Variants in ABCA12 observed in about 807,000 individuals in gnomAD.
The protein encoded by ABCA12 is ATP binding cassette subfamily A member 12, also known as glucosylceramide transporter ABCA12.
In ABCA12, 156 loss-of-function variants were observed where a neutral mutation model predicts 293.5. That is an observed-to-expected ratio of 0.53 (90% CI 0.47 to 0.61). ABCA12 has a LOEUF of 0.61. Ranked by LOEUF, ABCA12 falls within the 20% of genes least tolerant of loss-of-function variation. The pLI, the probability that ABCA12 is intolerant of heterozygous loss-of-function variation, is 0.00. For missense variants in ABCA12, 2,797 were observed against 3,090.2 expected (o/e 0.91, Z 2.25); for synonymous variants, 1,063 against 1,108.0 (o/e 0.96, Z 0.81).
intron 50 of ABCA12, among the ~76,000 whole-genome samples, chr2:214,942,629 G>T (rs1240458356): frequency 6.6e-6 from 1 of 152,016 alleles, no homozygotes; most frequent in Non-Finnish European, 1.5e-5. Context: ...GAGTAATTTG[G>T]TTATGAACTG....
At chr2:214,975,741 A>G in intron 34 of ABCA12, 44 bp downstream of exon 34, 1 of 1,613,016 alleles carries the variant, frequency 6.2e-7, no homozygotes, top group Non-Finnish European at 8.5e-7. Flanking sequence ...ACACTCCTGG[A>G]AGCATTTTGG....
intron 2 of ABCA12, among the ~76,000 whole-genome samples, chr2:215,085,012 C>T (rs1345928372): frequency 2.0e-5 from 3 of 149,136 alleles, no homozygotes; most frequent in Admixed American, 6.8e-5. Flanking sequence ...AAGAGTGGCT[C>T]GACCCCAGGA....
intron 1 of ABCA12, among the ~76,000 whole-genome samples, chr2:215,128,583 C>T (rs1314401713): frequency 6.6e-6 from 1 of 151,978 alleles, no homozygotes; most frequent in Non-Finnish European, 1.5e-5. Flanking sequence ...TTGTTCAATT[C>T]CATTGTTGAG....
Position 215,011,890 on chromosome 2 carries a change from G to A in ABCA12, c.2121+81C>T, listed in dbSNP as rs537158804. The A allele has an allele frequency of 1.8e-5, 23 of 1,303,072 alleles. No individual in the cohort carries two copies. The East Asian group carries it at 4.0e-4, about 23-fold the overall frequency. 80.7% of individuals were successfully genotyped at this position (1,303,072 alleles called of 1,614,324 possible). On this transcript the variant is annotated intron_variant, in intron 16 of 52. Coordinates refer to ENST00000272895, the MANE Select transcript of ABCA12 (RefSeq NM_173076.3). ...GTTTTTTTTTTTTTCAATGTACTAC[G>A]ATTGAAGCTGAATGTATTATAACTA...
At chr2:214,933,194 C>G (rs1015651502) in intron 52 of ABCA12, among the ~76,000 whole-genome samples, 1 of 152,102 alleles carries the variant, frequency 6.6e-6, no homozygotes, top group Non-Finnish European at 1.5e-5. Context: ...ATAGAAAGCC[C>G]ATGTTAACAC....
chr2:215,075,201 T>C (rs1305340974), intron 2 of ABCA12, among the ~76,000 whole-genome samples: 12 of 152,074 alleles, frequency 7.9e-5, no homozygotes, highest in Non-Finnish European at 1.6e-4. Flanking sequence ...GAAAATTGAG[T>C]AATGTTCTCC....
chr2:214,973,955 A>G lies in ABCA12; in HGVS notation c.5556T>C (p.Asn1852=), dbSNP rs760986874. Residue 1852 remains asparagine (N), a synonymous_variant, in exon 36 of 53, where the codon AAT becomes AAC. Coordinates refer to ENST00000272895, the MANE Select transcript of ABCA12 (RefSeq NM_173076.3). ...TNFGVCSCSE[N]VQECPKFNYS... The stretch of plus-strand genomic sequence containing the variant: ...AAACTGAATTCCATCTTACCTGGAC[A>G]TTTTCTGAGCAGGAGCAAACACCAA... 6.2e-7 allele frequency: 1 copy of G among 1,613,684 alleles called. No homozygotes were observed. Among genetic ancestry groups the G allele is most frequent in the Non-Finnish European group, 8.5e-7 (1 of 1,179,718 alleles).
At chr2:215,014,416 C>A (rs1203124047) in intron 15 of ABCA12, among the ~76,000 whole-genome samples, 1 of 151,854 alleles carries the variant, frequency 6.6e-6, no homozygotes, top group Admixed American at 6.6e-5. Flanking sequence ...TGCCACACAG[C>A]AACTCTGGAG....
In ABCA12 at chr2:214,934,148, T is replaced by C. The variant is rs1469138794; in HGVS notation, c.7610A>G (p.Asp2537Gly). ...AGCAGTCTTGTTGGTTTCCAGCAGATCAAAAATGTTTGCGACTCCTCCTGC... is the reference window on the plus strand; with the variant it reads ...AGCAGTCTTGTTGGTTTCCAGCAGACCAAAAATGTTTGCGACTCCTCCTGC... ...VTAGGVANIF[D>G]LLETNKTALN... The change falls in exon 52 of 53, where the codon GAT becomes GGT. Residue 2537 changes from aspartate (D) to glycine (G), a missense_variant. Around this residue, in one of 3 missense-constraint regions of ABCA12, gnomAD observed 2,130 missense variants for 2,427.0 expected, o/e 0.88. Transcript: ENST00000272895. The C allele has an allele frequency of 1.2e-6, 2 of 1,613,784 alleles. No individual in the cohort carries two copies. The highest frequency in any genetic ancestry group is 4.5e-5 in the East Asian group (2 of 44,860).
In ABCA12 at chr2:214,931,704, C is replaced by CATAT. The variant is rs1698063420; in HGVS notation, c.*926_*929dup. 6.6e-6 allele frequency: 1 copy of CATAT among 152,648 alleles called. No homozygotes were observed. The highest frequency in any genetic ancestry group is 2.4e-5 in the African/African-American group (1 of 41,430). The allele number at this position is 152,648 out of a possible 1,614,324, so 9.5% of individuals were successfully genotyped here. A position where few individuals can be genotyped will look rare whatever the true frequency, so the allele number is the denominator to read the frequency against. ...ATTATTAAGAAGTCTATCCTATAGC[C>CATAT]ATATACACGATTCTGGGTCACCCAG... On this transcript the variant is annotated 3_prime_UTR_variant, in exon 53 of 53. Transcript: ENST00000272895.
At chr2:214,992,470 A>AAG (rs1357383394) in intron 23 of ABCA12, among the ~76,000 whole-genome samples, 1 of 149,296 alleles carries the variant, frequency 6.7e-6, no homozygotes, top group Non-Finnish European at 1.5e-5. Context: ...ATGAAAAAAA[A>AAG]AAAAAAACAA....
At chr2:215,079,664 T>C (rs920573339) in intron 2 of ABCA12, among the ~76,000 whole-genome samples, 1 of 152,180 alleles carries the variant, frequency 6.6e-6, no homozygotes, top group African/African-American at 2.4e-5. Context: ...AGCTGCCAGC[T>C]TTTGCTTATT....
chr2:215,046,048 G>T (rs779747645), intron 6 of ABCA12, 33 bp from the exon 7 acceptor site: 2 of 1,602,796 alleles, frequency 1.2e-6, no homozygotes, highest in Non-Finnish European at 8.5e-7. Flanking sequence ...AGAGCAAAAT[G>T]AGACTTTAAC....
chr2:215,049,505 G>T, intron 6 of ABCA12, 121 bp downstream of exon 6: 1 of 963,202 alleles, frequency 1.0e-6, no homozygotes, highest in Non-Finnish European at 1.6e-6. Flanking sequence ...AAATGTCTAT[G>T]TGAGGAAAAC....
chr2:215,004,131 A>G, intron 20 of ABCA12, 78 bp downstream of exon 20: 1 of 1,282,372 alleles, frequency 7.8e-7, no homozygotes, highest in Non-Finnish European at 1.1e-6. Flanking sequence ...AAAGGGGGGA[A>G]AATGTAATCA....
rs529282465 is a variant in ABCA12 at position 215,046,010 on chromosome 2, G to A, written c.699C>T (p.Ser233=). 6.2e-7 allele frequency: 1 copy of A among 1,613,234 alleles called. No individual in the cohort carries two copies. The highest frequency in any genetic ancestry group is 8.5e-7 in the Non-Finnish European group (1 of 1,179,618). ...CTATCTTCTGATTGTTGGGGTCACT[G>A]GATAGCTTAAAATATAAAACCACAA... ...QELNKQFSQL[S]SDPNNQKIVF... The change falls in exon 7 of 53, where the codon TCC becomes TCT. Residue 233 remains serine (S), a synonymous_variant. Transcript: ENST00000272895.
At position 215,011,393 on chromosome 2, in the gene ABCA12, A is replaced by T. The variant is rs758934280; in HGVS notation, c.2332+46T>A. 3.6e-6 allele frequency: 5 copies of T among 1,376,416 alleles called. 1 individual carries two copies. In the South Asian group the frequency reaches 4.7e-5, roughly 13 times the overall value. 85.3% of individuals were successfully genotyped at this position (1,376,416 alleles called of 1,614,324 possible). A position where few individuals can be genotyped will look rare whatever the true frequency, so the allele number is the denominator to read the frequency against. On this transcript the variant is annotated intron_variant, in intron 17 of 52. Transcript: ENST00000272895. Reference sequence around the variant, plus strand: ...CTAAGACAGAATAGACAGTATTCTTATTGTCATTAAGGGCAACTGTCATGC... The same window carrying T: ...CTAAGACAGAATAGACAGTATTCTTTTTGTCATTAAGGGCAACTGTCATGC...
At chr2:215,005,386 A>C (rs1056292218) in intron 19 of ABCA12, among the ~76,000 whole-genome samples, 5 of 152,180 alleles carry the variant, frequency 3.3e-5, no homozygotes, top group African/African-American at 1.2e-4. Flanking sequence ...TGTCCTTCTT[A>C]CCAGTGTCTT....
chr2:215,104,869 T>C (rs1044507428), intron 2 of ABCA12, among the ~76,000 whole-genome samples: 2 of 152,210 alleles, frequency 1.3e-5, no homozygotes, highest in Non-Finnish European at 2.9e-5. Context: ...ATTCATTTTC[T>C]TTCCCCCATA....
Sources: allele counts gnomAD v4.1 joint callset (sites outside exome capture counted in the v4.1 genomes callset), GRCh38; gene constraint gnomAD v4.1.1; regional missense constraint gnomAD v4.1.1; transcripts MANE v1.5; gene names NCBI Gene and HGNC (gene_info 2026-07-23, HGNC 2026-07-21).